Variants in EYS observed in about 807,000 individuals in gnomAD.
The protein encoded by EYS is protein eyes shut homolog.
EYS carries 250 observed loss-of-function variants against 282.1 expected under a neutral mutation model. The observed-to-expected ratio is 0.89, with a 90% confidence interval of 0.80 to 0.98. EYS has a LOEUF of 0.98. Among genes scored for constraint, EYS ranks in the 50% least tolerant of loss-of-function variants. The probability of loss-of-function intolerance (pLI) is 0.00; values close to 1 mark genes in which losing one functional copy is unlikely to be tolerated. For synonymous variants in EYS, 1,355 were observed against 1,282.9 expected (o/e 1.06, Z -1.20); for missense variants, 4,016 against 3,709.0 (o/e 1.08, Z -2.15).
intron 40 of EYS, 145 bp from the exon 41 acceptor site, chr6:63,762,778 AG>A: frequency 1.3e-6 from 1 of 762,814 alleles, no homozygotes; most frequent in Non-Finnish European, 2.0e-6. Context: ...AAATTGTCAA[AG>A]GAAAGAGTTA....
At chr6:65,115,777 G>GTATTTGTTC (rs57803179) in intron 12 of EYS, among the ~76,000 whole-genome samples, 1 of 151,680 alleles carries the variant, frequency 6.6e-6, no homozygotes, top group South Asian at 2.1e-4. Flanking sequence ...AAAAGACATA[G>GTATTTGTTC]ATTAGATTTC....
chr6:64,468,965 CAT>C lies in EYS; in HGVS notation c.5645-29615_5645-29614del, dbSNP rs1268782148. 2.6e-5 allele frequency among the ~76,000 whole-genome samples: 4 copies of C among 152,136 alleles called. No individual in the cohort carries two copies. In the South Asian group the frequency reaches 6.2e-4, roughly 24 times the overall value. ...TGTGACTAGTGCTGCAGTGAACACA[CAT>C]GTGCATGTGTCTTTTTGGTAGGATG... On this transcript the variant is annotated intron_variant, in intron 26 of 42. Transcript: ENST00000503581.
At chr6:64,168,920 C>T (rs1379067002) in intron 31 of EYS, among the ~76,000 whole-genome samples, 1 of 152,164 alleles carries the variant, frequency 6.6e-6, no homozygotes, top group African/African-American at 2.4e-5. Context: ...AAATTATACT[C>T]TTAGACACTA....
At chr6:64,416,560 T>C (rs1774064601) in intron 28 of EYS, among the ~76,000 whole-genome samples, 1 of 152,006 alleles carries the variant, frequency 6.6e-6, no homozygotes, top group African/African-American at 2.4e-5. Flanking sequence ...TTGTCTTCCT[T>C]ATATTAACTC....
intron 8 of EYS, among the ~76,000 whole-genome samples, chr6:65,381,555 C>T (rs750366891): frequency 5.9e-5 from 9 of 151,632 alleles, no homozygotes; most frequent in East Asian, 1.9e-4. Flanking sequence ...TGATAGGTGC[C>T]GCAAACCACC....
At chr6:65,369,306 A>AATATATATATTATATATATATATTT (rs888574528) in intron 8 of EYS, among the ~76,000 whole-genome samples, 20 of 59,870 alleles carry the variant, frequency 3.3e-4, no homozygotes, top group East Asian at 5.5e-4. Context: ...ATTTATGTAT[A>AATATATATATTATATATATATATTT]ATATATATAT....
At chr6:65,607,825 A>G (rs1168999640) in intron 2 of EYS, among the ~76,000 whole-genome samples, 1 of 151,960 alleles carries the variant, frequency 6.6e-6, no homozygotes, top group African/African-American at 2.4e-5. Flanking sequence ...CTTATTGTTT[A>G]GTTGGAAAAT....
At chr6:65,695,547 G>A (rs1422911842) in intron 1 of EYS, among the ~76,000 whole-genome samples, 3 of 151,906 alleles carry the variant, frequency 2.0e-5, no homozygotes, top group Non-Finnish European at 2.9e-5. Context: ...GAGAATGGTA[G>A]AAGTCAGTGA....
At chr6:65,276,706 A>G (rs1305096555) in intron 12 of EYS, among the ~76,000 whole-genome samples, 1 of 152,122 alleles carries the variant, frequency 6.6e-6, no homozygotes, top group Non-Finnish European at 1.5e-5. Context: ...TTCTTCAAGA[A>G]TAAACATCTA....
chr6:64,778,423 T>A (rs527543090), intron 22 of EYS, among the ~76,000 whole-genome samples: 1 of 152,202 alleles, frequency 6.6e-6, no homozygotes, highest in Non-Finnish European at 1.5e-5. Flanking sequence ...ATCAGGGTTA[T>A]GCAAACAATA....
At chr6:64,027,481 C>G (rs1027539813) in intron 33 of EYS, among the ~76,000 whole-genome samples, 5 of 152,162 alleles carry the variant, frequency 3.3e-5, no homozygotes, top group Non-Finnish European at 5.9e-5. Context: ...ATTACTAAAC[C>G]TGGCAACCTC....
At chr6:65,090,306 C>A (rs1362504699) in intron 12 of EYS, among the ~76,000 whole-genome samples, 1 of 152,162 alleles carries the variant, frequency 6.6e-6, no homozygotes, top group Admixed American at 6.5e-5. Context: ...CCTTCTTACA[C>A]TTCTTTCTGC....
At chr6:65,370,588 C>A (rs1765105024) in intron 8 of EYS, among the ~76,000 whole-genome samples, 1 of 151,666 alleles carries the variant, frequency 6.6e-6, no homozygotes, top group Non-Finnish European at 1.5e-5. Flanking sequence ...GACATAAAAC[C>A]ATAATGCAAA....
chr6:64,648,000 TG>T (rs1768416753), intron 22 of EYS, among the ~76,000 whole-genome samples: 1 of 152,246 alleles, frequency 6.6e-6, no homozygotes, highest in Non-Finnish European at 1.5e-5. Flanking sequence ...CCAATCGCCC[TG>T]TGAATTACAG....
At chr6:64,454,897 T>G (rs1167152515) in intron 26 of EYS, among the ~76,000 whole-genome samples, 1 of 152,218 alleles carries the variant, frequency 6.6e-6, no homozygotes, top group Non-Finnish European at 1.5e-5. Flanking sequence ...TAATGTAGTT[T>G]CGTAATTTAT....
At position 63,908,657 on chromosome 6, in the gene EYS, G is replaced by A. The variant is rs376909375; in HGVS notation, c.7056-44299C>T. Among the ~76,000 whole-genome samples the A allele has an allele frequency of 1.2e-4, 18 of 152,200 alleles. No homozygotes were observed. In the East Asian group the frequency reaches 3.3e-3, roughly 28 times the overall value. On this transcript the variant is annotated intron_variant, in intron 35 of 42. Coordinates refer to ENST00000503581, the MANE Select transcript of EYS (RefSeq NM_001142800.2). ...GTAGAGATGGGGTTTCACAATGTTAGCCAGGCTAGTCTCGAACTCCTGACC... is the reference window on the plus strand; with the variant it reads ...GTAGAGATGGGGTTTCACAATGTTAACCAGGCTAGTCTCGAACTCCTGACC...
chr6:64,100,416 C>A (rs897245824), intron 31 of EYS, among the ~76,000 whole-genome samples: 8 of 152,058 alleles, frequency 5.3e-5, no homozygotes, highest in African/African-American at 1.9e-4. Flanking sequence ...TTTTCCTGAG[C>A]ATTTAACATA....
At chr6:64,542,978 G>A (rs1377043982) in intron 26 of EYS, among the ~76,000 whole-genome samples, 2 of 152,036 alleles carry the variant, frequency 1.3e-5, no homozygotes, top group Non-Finnish European at 2.9e-5. Context: ...GTGCCTCAAT[G>A]TCCTAGGAAA....
intron 33 of EYS, among the ~76,000 whole-genome samples, chr6:64,009,787 G>A (rs1002039028): frequency 6.6e-6 from 1 of 152,164 alleles, no homozygotes; most frequent in Non-Finnish European, 1.5e-5. Context: ...AGTTTTTGGA[G>A]GTAAAAAGGC....
Sources: gnomAD v4.1 joint callset for allele counts (sites outside exome capture counted in the v4.1 genomes callset) on GRCh38, gnomAD v4.1.1 for gene constraint, MANE v1.5 for transcripts, NCBI Gene and HGNC (gene_info 2026-07-23, HGNC 2026-07-21) for gene names.